The following CFAP61 variants were observed in gnomAD, a reference collection of about 807,000 sequenced individuals.
CFAP61 encodes cilia- and flagella-associated protein 61.
CFAP61 carries 107 observed loss-of-function variants against 135.6 expected under a neutral mutation model. The observed-to-expected ratio is 0.79, with a 90% CI of 0.67 to 0.93. The LOEUF (loss-of-function observed/expected upper bound fraction) is 0.93, where lower values mean the gene tolerates loss of function less well. Among genes scored for constraint, CFAP61 ranks in the 40% least tolerant of loss-of-function variants. The pLI is 0.00. For synonymous variants in CFAP61, 575 were observed against 578.5 expected (o/e 0.99, Z 0.09); for missense variants, 1,507 against 1,556.2 (o/e 0.97, Z 0.53).
intron 17 of CFAP61, among the ~76,000 whole-genome samples, chr20:20,211,213 A>C (rs1333750257): frequency 6.6e-6 from 1 of 152,226 alleles, no homozygotes; most frequent in African/African-American, 2.4e-5. Context: ...TGGAAAGTGC[A>C]GTACCTGGTT....
chr20:20,070,749 A>C, intron 2 of CFAP61, 105 bp from the exon 3 acceptor site: 2 of 946,980 alleles, frequency 2.1e-6, no homozygotes, highest in Non-Finnish European at 3.2e-6. Flanking sequence ...ATCTGACCTC[A>C]TGCAGTGGCT....
chr20:20,305,111 C>A (rs546158277), intron 25 of CFAP61, among the ~76,000 whole-genome samples: 1 of 152,150 alleles, frequency 6.6e-6, no homozygotes, highest in Admixed American at 6.5e-5. Context: ...CCCTCGCGCC[C>A]GCGCCACCAC....
intron 13 of CFAP61, among the ~76,000 whole-genome samples, chr20:20,182,266 A>G (rs1409927538): frequency 1.3e-5 from 2 of 152,192 alleles, no homozygotes; most frequent in Non-Finnish European, 2.9e-5. Flanking sequence ...TTTTAGATCC[A>G]TGTCATTTTA....
intron 25 of CFAP61, among the ~76,000 whole-genome samples, chr20:20,317,859 C>T (rs2057227563): frequency 2.0e-5 from 3 of 152,172 alleles, no homozygotes; most frequent in East Asian, 3.8e-4. Context: ...CGCTGGAGGC[C>T]GTGAGGCTGC....
chr20:20,148,250 C>T (rs1197985552), intron 9 of CFAP61, among the ~76,000 whole-genome samples: 1 of 152,080 alleles, frequency 6.6e-6, no homozygotes, highest in Non-Finnish European at 1.5e-5. Flanking sequence ...TTTATGGCTC[C>T]GTATGAATTT....
chr20:20,331,002 T>C (rs1395856917), intron 25 of CFAP61, among the ~76,000 whole-genome samples: 1 of 152,232 alleles, frequency 6.6e-6, no homozygotes, highest in Non-Finnish European at 1.5e-5. Flanking sequence ...CATAACTAAT[T>C]AGTGATACTT....
chr20:20,172,010 A>C, intron 13 of CFAP61: 1 of 382,948 alleles, frequency 2.6e-6, no homozygotes, highest in East Asian at 3.8e-5. Context: ...ATATTATGTG[A>C]TCAGGAACTT....
At chr20:20,054,712 G>A (rs2044160805) in intron 1 of CFAP61, among the ~76,000 whole-genome samples, 1 of 152,098 alleles carries the variant, frequency 6.6e-6, no homozygotes. Flanking sequence ...TAACCCCCGT[G>A]CTACTGGCTT....
intron 10 of CFAP61, among the ~76,000 whole-genome samples, chr20:20,163,696 G>A (rs900397791): frequency 1.3e-5 from 2 of 151,602 alleles, no homozygotes; most frequent in Admixed American, 6.6e-5. Flanking sequence ...GGTGGTTTGC[G>A]GCACCTATCA....
At chr20:20,061,294 A>G (rs1027667862) in intron 2 of CFAP61, among the ~76,000 whole-genome samples, 4 of 152,232 alleles carry the variant, frequency 2.6e-5, no homozygotes, top group African/African-American at 9.6e-5. Flanking sequence ...TATTAAAATT[A>G]CAGAATAAGA....
At chr20:20,112,679 G>C (rs1040925812) in intron 8 of CFAP61, among the ~76,000 whole-genome samples, 2 of 152,148 alleles carry the variant, frequency 1.3e-5, no homozygotes, top group African/African-American at 4.8e-5. Flanking sequence ...AGGAGGCTCT[G>C]CTTAAGTTTA....
intron 17 of CFAP61, among the ~76,000 whole-genome samples, chr20:20,209,499 A>G: frequency 6.6e-6 from 1 of 152,248 alleles, no homozygotes; most frequent in Non-Finnish European, 1.5e-5. Context: ...CATACAGAGT[A>G]CAGAGATATA....
intron 9 of CFAP61, among the ~76,000 whole-genome samples, chr20:20,150,879 C>G (rs191914845): frequency 6.6e-6 from 1 of 152,278 alleles, no homozygotes; most frequent in East Asian, 1.9e-4. Flanking sequence ...CAAGGGATTA[C>G]TTTGTGGGAC....
At chr20:20,246,908 C>T (rs1012886207) in intron 19 of CFAP61, among the ~76,000 whole-genome samples, 1 of 152,142 alleles carries the variant, frequency 6.6e-6, no homozygotes, top group African/African-American at 2.4e-5. Context: ...ATTTTGCCTT[C>T]GAACAATGAG....
chr20:20,074,752 A>T (rs1239639342), intron 4 of CFAP61, among the ~76,000 whole-genome samples: 1 of 152,246 alleles, frequency 6.6e-6, no homozygotes, highest in African/African-American at 2.4e-5. Flanking sequence ...CCTGAATAAT[A>T]GGATGCATGG....
At chr20:20,287,901 A>G (rs1310053057) in intron 22 of CFAP61, among the ~76,000 whole-genome samples, 1 of 152,180 alleles carries the variant, frequency 6.6e-6, no homozygotes, top group South Asian at 2.1e-4. Context: ...TTGAGCACAG[A>G]ATGGAGAGGG....
intron 17 of CFAP61, among the ~76,000 whole-genome samples, chr20:20,216,419 A>T (rs1280164470): frequency 6.6e-6 from 1 of 152,210 alleles, no homozygotes; most frequent in Non-Finnish European, 1.5e-5. Flanking sequence ...TTTGTGTTTG[A>T]ATATACACAG....
At chr20:20,172,390 C>T (rs6081905) in intron 13 of CFAP61, 108,320 of 580,978 alleles carry the variant, frequency 0.19, 10,642 homozygotes, top group African/African-American at 0.26. Context: ...AATCATGGCT[C>T]GCTGGAGCCT....
intron 16 of CFAP61, among the ~76,000 whole-genome samples, chr20:20,198,449 C>T (rs2056429950): frequency 6.6e-6 from 1 of 152,212 alleles, no homozygotes; most frequent in East Asian, 1.9e-4. Flanking sequence ...ATGTTCCACA[C>T]TGTTGTATGT....
Sources: allele counts gnomAD v4.1 joint callset (sites outside exome capture counted in the v4.1 genomes callset), GRCh38; gene constraint gnomAD v4.1.1; transcripts MANE v1.5; gene names NCBI Gene and HGNC (gene_info 2026-07-23, HGNC 2026-07-21).